Variants in ROS1 observed in about 807,000 individuals in gnomAD.
ROS1 encodes the protein ROS proto-oncogene 1, receptor tyrosine kinase, also known as proto-oncogene tyrosine-protein kinase ROS.
A neutral mutation model predicts 273.5 loss-of-function variants in ROS1; 263 were observed. That is an observed-to-expected ratio of 0.96 (90% CI 0.87 to 1.06). The LOEUF is 1.06. Among genes scored for constraint, ROS1 ranks in the 50% least tolerant of loss-of-function variants. The pLI is 0.00. For synonymous variants in ROS1, 1,008 were observed against 954.1 expected (o/e 1.06, Z -1.04); for missense variants, 2,833 against 2,751.1 (o/e 1.03, Z -0.67).
chr6:117,301,327 A>G lies in ROS1; in HGVS notation c.6552-190T>C, dbSNP rs1562250727. On this transcript the variant is annotated intron_variant, in intron 42 of 43. Coordinates refer to ENST00000368507, the MANE Select transcript of ROS1 (RefSeq NM_001378902.1). The stretch of plus-strand genomic sequence containing the variant: ...CTTTTAACATTACTACGTTTATTAG[A>G]TAACACCTTTCTTTTGAAAAGCTGA... 3 of 455,580 alleles carry G rather than the reference A, an allele frequency of 6.6e-6. No homozygotes were observed. In the East Asian group the frequency reaches 1.1e-4, roughly 17 times the overall value. The allele number at this position is 455,580 out of a possible 1,614,324, so 28.2% of individuals were successfully genotyped here.
intron 27 of ROS1, among the ~76,000 whole-genome samples, chr6:117,349,815 A>G (rs1256216534): frequency 6.6e-6 from 1 of 152,036 alleles, no homozygotes; most frequent in Non-Finnish European, 1.5e-5. Context: ...TCCACCTTCA[A>G]ACAACACTAT....
rs1324451226 is a variant in ROS1 at position 117,341,585 on chromosome 6, T to G, written c.4699A>C (p.Ser1567Arg). 1.2e-6 allele frequency: 2 copies of G among 1,613,700 alleles called. No individual in the cohort carries two copies. Among genetic ancestry groups the G allele is most frequent in the East Asian group, 4.5e-5 (2 of 44,900 alleles). Residue 1567 changes from serine to arginine, a missense_variant, in exon 30 of 44, where the codon AGC (serine) becomes CGC (arginine). Transcript: ENST00000368507. ...LINTTVRSDT[S>R]LIISWRESHK... ...GATTCTCTCCAAGATATAATGAGGC[T>G]GGTGTCTGACCGCACAGTTGTATTA...
Position 117,403,125 on chromosome 6 carries a change from T to C in ROS1, c.604+14A>G. 2 of 1,613,304 alleles carry C rather than the reference T, an allele frequency of 1.2e-6. No homozygotes were observed. Among genetic ancestry groups the C allele is most frequent in the South Asian group, 1.1e-5 (1 of 90,894 alleles). ...GAATAATGTCCTTTCATAAGAAATG[T>C]GTGCACACCATACCTCCATGAGGAT... On this transcript the variant is annotated intron_variant, in intron 7 of 43. Transcript: ENST00000368507.
chr6:117,385,759 G>A lies in ROS1; in HGVS notation c.2213C>T (p.Pro738Leu), dbSNP rs779989121. Reference protein sequence around the residue: ...GTDISENYHLPSIAGAGALAF... With the variant: ...GTDISENYHLLSIAGAGALAF... ...TAAAGCCCCTGCTCCTGCAATGCTG[G>A]GTAGGTGATAATTCTCTGAGATATC... The change falls in exon 16 of 44, where the codon CCC becomes CTC. Residue 738 changes from proline (P) to leucine (L), a missense_variant. Transcript: ENST00000368507. The A allele has an allele frequency of 1.1e-5, 17 of 1,614,012 alleles. No individual in the cohort carries two copies. The Admixed American group carries it at 2.3e-4, about 22-fold the overall frequency.
At chr6:117,337,731 C>T (rs903212638) in intron 31 of ROS1, among the ~76,000 whole-genome samples, 6 of 152,044 alleles carry the variant, frequency 3.9e-5, no homozygotes, top group African/African-American at 1.4e-4. Flanking sequence ...TTTCAAATCC[C>T]AGGGATTTGT....
In ROS1 at chr6:117,379,079, T is replaced by G. The variant is rs141240433; in HGVS notation, c.2562A>C (p.Thr854=). 6.2e-7 allele frequency: 1 copy of G among 1,611,650 alleles called. No homozygotes were observed. Among genetic ancestry groups the G allele is most frequent in the Non-Finnish European group, 8.5e-7 (1 of 1,178,180 alleles). Residue 854 remains threonine, a synonymous_variant, in exon 18 of 44, where the codon ACA becomes ACC. Coordinates refer to ENST00000368507, the MANE Select transcript of ROS1 (RefSeq NM_001378902.1). ...VQDSQCIHLY[T]AVLRGQSTGD... is the part of the protein sequence containing the mutation. ...CTTACCTCTGTCCCCGAAGAACAGC[T>G]GTGTACAGGTGAATACATTGACTGT...
At chr6:117,416,435 T>G in intron 2 of ROS1, 118 bp from the exon 3 acceptor site, 2 of 708,596 alleles carry the variant, frequency 2.8e-6, no homozygotes, top group Non-Finnish European at 2.5e-6. Flanking sequence ...AATAGAAACC[T>G]ACCAAGAAAC....
Position 117,329,350 on chromosome 6 carries a change from G to A in ROS1, c.5327C>T (p.Thr1776Ile), listed in dbSNP as rs2128593168. The change falls in exon 33 of 44, where the codon ACA becomes ATA. Residue 1776 changes from threonine to isoleucine, a missense_variant. Thr to Ile is a moderately conservative substitution (Grantham distance 89, BLOSUM62 -1). Coordinates refer to ENST00000368507, the MANE Select transcript of ROS1 (RefSeq NM_001378902.1). ...ATACCTTATCTCAAGGATATAGTAT[G>A]TAATTCTACATCCATTATCTTCAGC... The part of the protein sequence containing the change: ...EKAEDNGCRI[T>I]YYILEIRKST... 1.3e-6 allele frequency: 2 copies of A among 1,524,532 alleles called. No homozygotes were observed. Among genetic ancestry groups the A allele is most frequent in the Non-Finnish European group, 9.1e-7 (1 of 1,099,990 alleles). The allele number at this position is 1,524,532 out of a possible 1,614,324, so 94.4% of individuals were successfully genotyped here.
chr6:117,355,847 G>GA (rs1779263255), intron 26 of ROS1, among the ~76,000 whole-genome samples: 1 of 152,020 alleles, frequency 6.6e-6, no homozygotes, highest in African/African-American at 2.4e-5. Context: ...CTGACCTCAA[G>GA]TGATCTACCC....
chr6:117,382,873 A>T (rs1271158691), intron 17 of ROS1, among the ~76,000 whole-genome samples: 1 of 152,150 alleles, frequency 6.6e-6, no homozygotes, highest in Non-Finnish European at 1.5e-5. Context: ...AAACACGGAG[A>T]AGTGAAATCA....
At chr6:117,293,535 CTT>C (rs1773991779) in intron 43 of ROS1, among the ~76,000 whole-genome samples, 1 of 152,026 alleles carries the variant, frequency 6.6e-6, no homozygotes, top group Non-Finnish European at 1.5e-5. Flanking sequence ...AATTAGGAAA[CTT>C]TTACTTTTTA....
At chr6:117,310,605 A>G (rs1441663262) in intron 40 of ROS1, among the ~76,000 whole-genome samples, 3 of 151,864 alleles carry the variant, frequency 2.0e-5, no homozygotes, top group Admixed American at 1.3e-4. Flanking sequence ...ATGTGTTCTC[A>G]TTGTTCAACT....
At chr6:117,392,182 C>T (rs1449352438) in intron 12 of ROS1, among the ~76,000 whole-genome samples, 5 of 152,152 alleles carry the variant, frequency 3.3e-5, no homozygotes, top group Non-Finnish European at 1.5e-5. Context: ...TCCTACATCA[C>T]AAAGCATTAA....
intron 7 of ROS1, 103 bp from the exon 8 acceptor site, chr6:117,397,219 G>A: frequency 1.3e-6 from 1 of 753,780 alleles, no homozygotes; most frequent in South Asian, 1.8e-5. Flanking sequence ...AAAACTTAAT[G>A]GAAACGAAAT....
intron 22 of ROS1, among the ~76,000 whole-genome samples, chr6:117,361,589 A>G (rs927806553): frequency 1.3e-5 from 2 of 148,676 alleles, no homozygotes; most frequent in Non-Finnish European, 3.0e-5. Context: ...TATATATTCT[A>G]TATATAGACA....
chr6:117,312,804 A>G (rs1243411029), intron 39 of ROS1, among the ~76,000 whole-genome samples: 2 of 152,074 alleles, frequency 1.3e-5, no homozygotes, highest in African/African-American at 4.8e-5. Flanking sequence ...CTCTTGTTAA[A>G]CCCTTCAGAT....
At chr6:117,396,361 G>T (rs1773487509) in intron 8 of ROS1, 97 bp from the exon 9 acceptor site, 7 of 864,812 alleles carry the variant, frequency 8.1e-6, no homozygotes, top group Non-Finnish European at 1.4e-5. Flanking sequence ...TTTAAAGGGT[G>T]ATGTGGCAAT....
chr6:117,396,767 GA>G, intron 8 of ROS1, 147 bp downstream of exon 8: 1 of 636,534 alleles, frequency 1.6e-6, no homozygotes, highest in Non-Finnish European at 2.7e-6. Flanking sequence ...TAAGCCTGAG[GA>G]AAACCACAAT....
At chr6:117,393,642 C>T (rs1773251894) in intron 11 of ROS1, among the ~76,000 whole-genome samples, 1 of 152,142 alleles carries the variant, frequency 6.6e-6, no homozygotes, top group Non-Finnish European at 1.5e-5. Flanking sequence ...CTGTGATAAG[C>T]CTGTACCTTC....
Sources: allele counts gnomAD v4.1 joint callset (sites outside exome capture counted in the v4.1 genomes callset), GRCh38; gene constraint gnomAD v4.1.1; transcripts MANE v1.5; gene names NCBI Gene and HGNC (gene_info 2026-07-23, HGNC 2026-07-21).